The following SERPINB7 variants were observed in gnomAD, a reference collection of about 807,000 sequenced individuals.
SERPINB7 encodes serpin family B member 7.
A neutral mutation model predicts 37.4 loss-of-function variants in SERPINB7; 31 were observed. That is an observed-to-expected ratio of 0.83 (90% CI 0.62 to 1.12). The LOEUF (loss-of-function observed/expected upper bound fraction) is 1.12, where lower values mean the gene tolerates loss of function less well. Among genes scored for constraint, SERPINB7 ranks in the 50% most tolerant of loss-of-function variants. SERPINB7 has a pLI of 0.00. For missense variants in SERPINB7, 521 were observed against 455.3 expected (o/e 1.14, Z -1.31); for synonymous variants, 163 against 166.1 (o/e 0.98, Z 0.14).
chr18:63,756,803 CTT>C (rs1568197946), intron 1 of SERPINB7, among the ~76,000 whole-genome samples: 1 of 38,974 alleles, frequency 2.6e-5, no homozygotes, highest in African/African-American at 6.8e-5. Context: ...CTTGGGGTAG[CTT>C]GTGTGTGTGT....
intron 7 of SERPINB7, among the ~76,000 whole-genome samples, chr18:63,803,568 G>C (rs2049572628): frequency 6.6e-6 from 1 of 152,166 alleles, no homozygotes; most frequent in Non-Finnish European, 1.5e-5. Context: ...GATGCTGTTG[G>C]AGAGAGAGAT....
At chr18:63,767,703 CTG>C (rs1401106916) in intron 1 of SERPINB7, among the ~76,000 whole-genome samples, 2 of 152,000 alleles carry the variant, frequency 1.3e-5, no homozygotes, top group African/African-American at 2.4e-5. Context: ...GAGCTGGAAA[CTG>C]TTATTTCTCA....
At chr18:63,757,599 T>C (rs1278827466) in intron 1 of SERPINB7, among the ~76,000 whole-genome samples, 1 of 152,226 alleles carries the variant, frequency 6.6e-6, no homozygotes, top group African/African-American at 2.4e-5. Flanking sequence ...GCCATGTCTA[T>C]TTGCTTACAT....
intron 1 of SERPINB7, among the ~76,000 whole-genome samples, chr18:63,769,558 T>C (rs1010987574): frequency 3.9e-5 from 6 of 152,146 alleles, no homozygotes; most frequent in Admixed American, 2.6e-4. Context: ...TTGAGTATTA[T>C]ATAATGAGAC....
At chr18:63,766,782 T>C (rs1262546340) in intron 1 of SERPINB7, among the ~76,000 whole-genome samples, 1 of 152,168 alleles carries the variant, frequency 6.6e-6, no homozygotes, top group Admixed American at 6.5e-5. Context: ...TGGATAAAAC[T>C]ATCTGTCTGA....
chr18:63,799,559 C>T (rs2049524900), intron 6 of SERPINB7, among the ~76,000 whole-genome samples: 1 of 152,156 alleles, frequency 6.6e-6, no homozygotes, highest in Non-Finnish European at 1.5e-5. Context: ...GAATCTAGAT[C>T]TCTGATATCA....
At chr18:63,779,295 T>A (rs1618922) in intron 1 of SERPINB7, among the ~76,000 whole-genome samples, 21,115 of 152,146 alleles carry the variant, frequency 0.14, 2,471 homozygotes, top group East Asian at 0.45. Flanking sequence ...TTTTTATTTA[T>A]GTGTCACCTG....
intron 1 of SERPINB7, among the ~76,000 whole-genome samples, chr18:63,780,438 T>A (rs1225564126): frequency 6.6e-6 from 1 of 152,176 alleles, no homozygotes; most frequent in Admixed American, 6.5e-5. Context: ...CCTTAAACAT[T>A]TGAGGGCCTT....
intron 1 of SERPINB7, among the ~76,000 whole-genome samples, chr18:63,756,803 C>A (rs1373552268): frequency 2.6e-5 from 1 of 38,974 alleles, no homozygotes; most frequent in Non-Finnish European, 6.4e-5. Flanking sequence ...CTTGGGGTAG[C>A]TTGTGTGTGT....
chr18:63,795,863 T>G (rs1417025382), intron 4 of SERPINB7, among the ~76,000 whole-genome samples: 1 of 152,164 alleles, frequency 6.6e-6, no homozygotes, highest in Admixed American at 6.5e-5. Context: ...TCGGCAAGTT[T>G]CAAGAGCTTG....
At chr18:63,753,369 C>T (rs566068197) in intron 1 of SERPINB7, among the ~76,000 whole-genome samples, 16 of 152,118 alleles carry the variant, frequency 1.1e-4, no homozygotes, top group South Asian at 2.1e-4. Context: ...AATTGACGGC[C>T]GCATCTATAA....
Position 63,805,314 on chromosome 18 carries a change from A to T in SERPINB7, c.*679A>T, listed in dbSNP as rs950323495. The T allele has an allele frequency of 2.0e-5, 3 of 152,282 alleles. No homozygotes were observed. The highest frequency in any genetic ancestry group is 3.9e-4 in the East Asian group (2 of 5,194). 9.4% of individuals were successfully genotyped at this position (152,282 alleles called of 1,614,324 possible). ...TGTTATCTACAGAATCATATCTCAT[A>T]TGCTGTGTAGTTTATAAGTTTTTTC... On this transcript the variant is annotated 3_prime_UTR_variant, in exon 8 of 8. Coordinates refer to ENST00000398019, the MANE Select transcript of SERPINB7 (RefSeq NM_003784.4).
At chr18:63,801,901 T>C (rs552022455) in intron 7 of SERPINB7, among the ~76,000 whole-genome samples, 4 of 152,364 alleles carry the variant, frequency 2.6e-5, no homozygotes, top group Admixed American at 2.6e-4. Flanking sequence ...TAATGTTTAC[T>C]ATCTCTACAT....
upstream of SERPINB7, among the ~76,000 whole-genome samples, chr18:63,771,054 G>C (rs1300250930): frequency 1.3e-5 from 2 of 151,654 alleles, no homozygotes; most frequent in South Asian, 4.2e-4. Context: ...GGGGTGGGGT[G>C]GGTAGGTCAC....
intron 6 of SERPINB7, among the ~76,000 whole-genome samples, chr18:63,799,265 C>T (rs746297125): frequency 2.0e-5 from 3 of 152,116 alleles, no homozygotes; most frequent in Non-Finnish European, 1.5e-5. Flanking sequence ...TATTGCCAAC[C>T]TTTATAAAAC....
At chr18:63,796,436 T>C in intron 5 of SERPINB7, 53 bp downstream of exon 5, 1 of 986,338 alleles carries the variant, frequency 1.0e-6, no homozygotes, top group Non-Finnish European at 1.6e-6. Flanking sequence ...TATATGTGAA[T>C]ACTGGGAACA....
chr18:63,798,871 C>A, intron 6 of SERPINB7, 125 bp downstream of exon 6: 4 of 981,692 alleles, frequency 4.1e-6, no homozygotes, highest in South Asian at 1.6e-5. Flanking sequence ...TTTGCATTAC[C>A]AATATCATAT....
intron 1 of SERPINB7, among the ~76,000 whole-genome samples, chr18:63,768,111 A>T (rs532607928): frequency 3.4e-4 from 52 of 152,060 alleles, no homozygotes; most frequent in Admixed American, 1.3e-4. Context: ...AATTTAGGAA[A>T]TTATCTTTTG....
At chr18:63,759,929 G>C (rs1285571672) in intron 1 of SERPINB7, among the ~76,000 whole-genome samples, 1 of 152,120 alleles carries the variant, frequency 6.6e-6, no homozygotes, top group Non-Finnish European at 1.5e-5. Context: ...CCCAGTCTCA[G>C]GTATGTCTTT....
Sources: allele counts gnomAD v4.1 joint callset (sites outside exome capture counted in the v4.1 genomes callset), GRCh38; gene constraint gnomAD v4.1.1; transcripts MANE v1.5; gene names NCBI Gene and HGNC (gene_info 2026-07-23, HGNC 2026-07-21).